Variants in ATRNL1 observed in about 807,000 individuals in gnomAD.
The protein encoded by ATRNL1 is attractin like 1.
Under a neutral mutation model 182.7 loss-of-function variants are expected in ATRNL1, and 95 were observed. The ratio of observed to expected loss-of-function variants is 0.52; its 90% CI spans 0.44 to 0.62. The LOEUF (loss-of-function observed/expected upper bound fraction) is 0.62. ATRNL1 is among the 20% of genes least tolerant of loss of function. The pLI is 0.00. For missense variants in ATRNL1, 1,471 were observed against 1,679.5 expected, an observed-to-expected ratio of 0.88 and a Z score of 2.17; for synonymous variants, 576 against 568.3, an observed-to-expected ratio of 1.01 and a Z score of -0.19.
chr10:115,169,771 C>T lies in ATRNL1; in HGVS notation c.1093-1266C>T, dbSNP rs139130765. Among the ~76,000 whole-genome samples, 10 of 152,190 alleles carry T rather than the reference C, an allele frequency of 6.6e-5. No homozygotes were observed. In the East Asian group the frequency reaches 1.4e-3, roughly 21 times the overall value. On this transcript the variant is annotated intron_variant, in intron 7 of 28. Coordinates refer to ENST00000355044, the MANE Select transcript of ATRNL1 (RefSeq NM_207303.4). ...AATGTTAAGTCTTCAGACTCATAAA[C>T]ATGGGATGTCTTTTCATTTATTTAT...
chr10:115,470,037 T>TATA (rs1279264004), intron 24 of ATRNL1, among the ~76,000 whole-genome samples: 2 of 150,596 alleles, frequency 1.3e-5, no homozygotes, highest in East Asian at 3.9e-4. Flanking sequence ...AGCTTATATA[T>TATA]ATCAATCCTT....
At chr10:115,180,157 CTTTAAAATCATG>C (rs1847694058) in intron 8 of ATRNL1, among the ~76,000 whole-genome samples, 1 of 151,816 alleles carries the variant, frequency 6.6e-6, no homozygotes, top group Non-Finnish European at 1.5e-5. Context: ...TAAGTTTTCT[CTTTAAAATCATG>C]TTAATTTAAA....
chr10:115,252,149 C>A (rs1850906533), intron 10 of ATRNL1, among the ~76,000 whole-genome samples: 1 of 152,154 alleles, frequency 6.6e-6, no homozygotes. Context: ...GCCTCAGCCT[C>A]CTGAGTAGCT....
intron 27 of ATRNL1, among the ~76,000 whole-genome samples, chr10:115,773,440 A>G (rs1213320440): frequency 1.3e-5 from 2 of 152,154 alleles, no homozygotes; most frequent in Admixed American, 6.5e-5. Flanking sequence ...AAAGATTACT[A>G]TATAGCTTAT....
chr10:115,272,593 G>A (rs959647538), intron 13 of ATRNL1, among the ~76,000 whole-genome samples: 7 of 152,192 alleles, frequency 4.6e-5, no homozygotes, highest in Admixed American at 2.6e-4. Context: ...GCAGTAGTGA[G>A]TAGTACCACT....
chr10:115,765,553 C>T (rs1240155422), intron 27 of ATRNL1, among the ~76,000 whole-genome samples: 15 of 152,062 alleles, frequency 9.9e-5, no homozygotes, highest in African/African-American at 2.4e-4. Context: ...CTTTATCAGA[C>T]GTCTTTTGCA....
chr10:115,423,573 T>G (rs1554962322), intron 20 of ATRNL1, among the ~76,000 whole-genome samples: 1 of 151,848 alleles, frequency 6.6e-6, no homozygotes, highest in African/African-American at 2.4e-5. Context: ...AGTTAAAAAT[T>G]TAAAAAGACA....
At chr10:115,367,836 G>T (rs1313301269) in intron 19 of ATRNL1, among the ~76,000 whole-genome samples, 1 of 147,238 alleles carries the variant, frequency 6.8e-6, no homozygotes, top group Non-Finnish European at 1.5e-5. Flanking sequence ...CTGCTCGGGG[G>T]TCAGGGGTCA....
At chr10:115,848,739 A>G (rs1358296554) in intron 28 of ATRNL1, among the ~76,000 whole-genome samples, 3 of 152,096 alleles carry the variant, frequency 2.0e-5, no homozygotes, top group Admixed American at 2.0e-4. Context: ...CTTTTTGCAT[A>G]TACTATTCCA....
chr10:115,549,471 T>C lies in ATRNL1; in HGVS notation c.3730T>C (p.Leu1244=), dbSNP rs1442488778. 26 of 1,601,240 alleles carry C rather than the reference T, an allele frequency of 1.6e-5. No individual in the cohort carries two copies. The highest frequency in any genetic ancestry group is 2.1e-5 in the Non-Finnish European group (25 of 1,173,344). The stretch of plus-strand genomic sequence containing the variant: ...TTTATTTTCCAGTTGTTTCCTATCC[T>C]TATTGCTGGTGGCTGCTGTGGTATG... ...FVTFFSCFLS[L]LLVAAVVWKI... Residue 1244 remains leucine (L), a synonymous_variant, in exon 26 of 29, where the codon TTA becomes CTA. Coordinates refer to ENST00000355044, the MANE Select transcript of ATRNL1 (RefSeq NM_207303.4).
intron 13 of ATRNL1, among the ~76,000 whole-genome samples, chr10:115,275,289 A>G (rs1852054926): frequency 6.6e-6 from 1 of 152,140 alleles, no homozygotes; most frequent in African/African-American, 2.4e-5. Context: ...TCCACTGATC[A>G]TCTGGCAGTC....
intron 27 of ATRNL1, among the ~76,000 whole-genome samples, chr10:115,753,743 A>G (rs1244174678): frequency 3.3e-5 from 5 of 152,168 alleles, no homozygotes; most frequent in African/African-American, 1.2e-4. Flanking sequence ...TCCTTGAGGA[A>G]TCACCACACT....
At chr10:115,429,257 G>T (rs1846040620) in intron 21 of ATRNL1, among the ~76,000 whole-genome samples, 2 of 151,718 alleles carry the variant, frequency 1.3e-5, no homozygotes, top group Non-Finnish European at 1.5e-5. Context: ...TTAGTATATT[G>T]ATCTTATATT....
intron 24 of ATRNL1, among the ~76,000 whole-genome samples, chr10:115,483,778 G>A (rs1848884546): frequency 6.6e-6 from 1 of 151,548 alleles, no homozygotes; most frequent in South Asian, 2.1e-4. Context: ...GATTTTTAAA[G>A]CATTTTATAT....
At chr10:115,185,137 A>T (rs761486660) in intron 8 of ATRNL1, among the ~76,000 whole-genome samples, 78 of 152,126 alleles carry the variant, frequency 5.1e-4, no homozygotes, top group Non-Finnish European at 2.9e-4. Context: ...ACTTAGATAA[A>T]TAGATACATG....
chr10:115,179,308 G>C (rs539422596), intron 8 of ATRNL1, among the ~76,000 whole-genome samples: 1 of 152,188 alleles, frequency 6.6e-6, no homozygotes, highest in South Asian at 2.1e-4. Context: ...GATGGTGGGA[G>C]ATGAGTGGGG....
At chr10:115,806,864 C>A (rs1432516987) in intron 27 of ATRNL1, among the ~76,000 whole-genome samples, 7 of 152,016 alleles carry the variant, frequency 4.6e-5, no homozygotes, top group Non-Finnish European at 7.4e-5. Context: ...ATGCATAGTA[C>A]CTGGTATATA....
chr10:115,281,476 A>G lies in ATRNL1; in HGVS notation c.2222A>G (p.Gln741Arg). The G allele has an allele frequency of 6.2e-7, 1 of 1,612,978 alleles. No individual in the cohort carries two copies. The highest frequency in any genetic ancestry group is 8.5e-7 in the Non-Finnish European group (1 of 1,179,404). The change falls in exon 14 of 29, where the codon CAG becomes CGG. Residue 741 changes from glutamine (Q) to arginine (R), a missense_variant. By Grantham distance (43) the Gln-to-Arg change is conservative. Around this residue, in one of 3 missense-constraint regions of ATRNL1, gnomAD observed 1,031 missense variants for 1,156.0 expected, o/e 0.89. Coordinates refer to ENST00000355044, the MANE Select transcript of ATRNL1 (RefSeq NM_207303.4). ...CQWDQRQQEC[Q>R]ALPAHLCGEG... Reference sequence around the variant, plus strand: ...TGGGATCAGAGACAGCAAGAATGCCAGGCTTTACCAGGTAAAGATTTCAAA... The same window carrying G: ...TGGGATCAGAGACAGCAAGAATGCCGGGCTTTACCAGGTAAAGATTTCAAA...
chr10:115,165,793 C>G lies in ATRNL1; in HGVS notation c.1092+148C>G, dbSNP rs545037488. 1.8e-4 allele frequency: 74 copies of G among 402,304 alleles called. No homozygotes were observed. In the Middle Eastern group the frequency reaches 2.3e-3, roughly 12 times the overall value. The allele number at this position is 402,304 out of a possible 1,614,324, so 24.9% of individuals were successfully genotyped here. On this transcript the variant is annotated intron_variant, in intron 7 of 28. Transcript: ENST00000355044. ...ATGATAACTTGAGATACCACATACT[C>G]TTATGCTTTTAGTAAAAGAATAGAT...
Sources: allele counts gnomAD v4.1 joint callset (sites outside exome capture counted in the v4.1 genomes callset), GRCh38; gene constraint gnomAD v4.1.1; regional missense constraint gnomAD v4.1.1; transcripts MANE v1.5; gene names NCBI Gene and HGNC (gene_info 2026-07-23, HGNC 2026-07-21).